Variants in HDAC4 observed in about 807,000 individuals in gnomAD.
HDAC4 encodes the protein histone deacetylase A.
In HDAC4, 16 loss-of-function variants were observed where a neutral mutation model predicts 135.1. The observed-to-expected ratio is 0.12, with a 90% CI of 0.08 to 0.18. HDAC4 has a LOEUF of 0.18. Among genes scored for constraint, HDAC4 ranks in the 10% least tolerant of loss-of-function variants. The pLI is 1.00. For missense variants in HDAC4, 1,143 were observed against 1,511.8 expected (o/e 0.76, Z 4.05); for synonymous variants, 685 against 653.4 (o/e 1.05, Z -0.74).
rs1273136748 is a variant in HDAC4 at position 239,240,107 on chromosome 2, A to G, written c.23-3443T>C. ...GGGCAGCAGCCATGATCGAGAAGCC[A>G]AACACTAAAGGCGTTTTGCCAGAGG... On this transcript the variant is annotated intron_variant, in intron 2 of 26. Transcript: ENST00000543185. This position sits in a 1 kb window ranked among gnomAD's most constrained non-coding sequence, Gnocchi z 4.5. Among the ~76,000 whole-genome samples the G allele has an allele frequency of 6.6e-6, 1 of 152,274 alleles. No individual in the cohort carries two copies. The highest frequency in any genetic ancestry group is 1.5e-5 in the Non-Finnish European group (1 of 68,050).
chr2:239,330,167 C>G (rs541979362), intron 2 of HDAC4, among the ~76,000 whole-genome samples: 1 of 152,364 alleles, frequency 6.6e-6, no homozygotes, highest in East Asian at 1.9e-4. Context: ...AGGCCAGGTA[C>G]AGCTGCCTGG....
chr2:239,341,318 G>A (rs760391108), intron 2 of HDAC4, among the ~76,000 whole-genome samples: 6 of 152,246 alleles, frequency 3.9e-5, no homozygotes, highest in African/African-American at 7.2e-5. Flanking sequence ...GCAAAGACAG[G>A]GCCAGGCAGC....
chr2:239,171,851 A>G (rs1402714241), intron 5 of HDAC4, among the ~76,000 whole-genome samples: 1 of 152,230 alleles, frequency 6.6e-6, no homozygotes, highest in African/African-American at 2.4e-5. Flanking sequence ...TGGCATTCTC[A>G]AAGTGCTGAA....
intron 12 of HDAC4, among the ~76,000 whole-genome samples, chr2:239,123,214 G>A (rs1039235076): frequency 3.3e-5 from 5 of 152,192 alleles, no homozygotes; most frequent in Admixed American, 2.0e-4. Context: ...AACCTAAGTT[G>A]GCATTAGGAA....
chr2:239,149,578 C>T (rs1474831348), intron 7 of HDAC4, among the ~76,000 whole-genome samples: 1 of 152,080 alleles, frequency 6.6e-6, no homozygotes, highest in South Asian at 2.1e-4. Flanking sequence ...CTGATGGAAC[C>T]GCCTCACGTG....
intron 2 of HDAC4, among the ~76,000 whole-genome samples, chr2:239,277,019 C>A (rs2050410355): frequency 6.6e-6 from 1 of 152,208 alleles, no homozygotes; most frequent in African/African-American, 2.4e-5. Context: ...ACTGCCGCGC[C>A]CTCCTGGGCC....
chr2:239,185,410 T>C (rs1575334862), intron 4 of HDAC4, among the ~76,000 whole-genome samples: 1 of 150,108 alleles, frequency 6.7e-6, no homozygotes. Context: ...TGGGGAGAGG[T>C]GTACCCTAAC....
At chr2:239,224,783 A>C (rs992472605) in intron 3 of HDAC4, among the ~76,000 whole-genome samples, 1 of 152,256 alleles carries the variant, frequency 6.6e-6, no homozygotes, top group Non-Finnish European at 1.5e-5. Context: ...AGTTGAACGC[A>C]GAAATCCACC....
At chr2:239,257,174 T>G (rs1290296198) in intron 2 of HDAC4, among the ~76,000 whole-genome samples, 1 of 152,068 alleles carries the variant, frequency 6.6e-6, no homozygotes, top group Non-Finnish European at 1.5e-5. Flanking sequence ...AAGAATTTTG[T>G]TTTTGACCAA....
chr2:239,269,545 T>A (rs1164181215), intron 2 of HDAC4, among the ~76,000 whole-genome samples: 1 of 152,168 alleles, frequency 6.6e-6, no homozygotes. Flanking sequence ...AGAACCCCAG[T>A]TTTCCCCACT....
chr2:239,197,266 A>G (rs2045455577), intron 3 of HDAC4, among the ~76,000 whole-genome samples: 1 of 151,928 alleles, frequency 6.6e-6, no homozygotes, highest in Admixed American at 6.5e-5. Context: ...TGAAGGCGCA[A>G]CTCTGTTGTC....
chr2:239,080,845 C>T lies in HDAC4; in HGVS notation c.2750+250G>A, dbSNP rs144752642. 3.4e-4 allele frequency: 188 copies of T among 560,574 alleles called. 1 individual carries two copies. Among genetic ancestry groups the T allele is most frequent in the African/African-American group, 2.0e-3 (107 of 53,400 alleles). 34.7% of individuals were successfully genotyped at this position (560,574 alleles called of 1,614,324 possible). A position where few individuals can be genotyped will look rare whatever the true frequency, so the allele number is the denominator to read the frequency against. Reference sequence around the variant, plus strand: ...TCTGTCTCCATCACTCTCTCACCATCGACCCAAAGTGAGCTCCTGGTTTTA... The same window carrying T: ...TCTGTCTCCATCACTCTCTCACCATTGACCCAAAGTGAGCTCCTGGTTTTA... On this transcript the variant is annotated intron_variant, in intron 22 of 26. Coordinates refer to ENST00000543185, the MANE Select transcript of HDAC4 (RefSeq NM_001378414.1).
At chr2:239,107,489 T>C (rs1302928711) in intron 15 of HDAC4, among the ~76,000 whole-genome samples, 1 of 152,238 alleles carries the variant, frequency 6.6e-6, no homozygotes, top group Non-Finnish European at 1.5e-5. Flanking sequence ...GGGCCCTGCC[T>C]GCAGCTCCAT....
chr2:239,095,275 ACCC>A (rs2036912913), intron 16 of HDAC4, among the ~76,000 whole-genome samples: 1 of 144,050 alleles, frequency 6.9e-6, no homozygotes, highest in Non-Finnish European at 1.5e-5. Context: ...TGGGTCACAG[ACCC>A]TGGTGGGGAC....
chr2:239,386,207 C>A, intron 1 of HDAC4, among the ~76,000 whole-genome samples: 1 of 151,974 alleles, frequency 6.6e-6, no homozygotes, highest in Non-Finnish European at 1.5e-5. Context: ...ACTGTCAGGT[C>A]CCAGTCCTGA....
rs543380383 is a variant in HDAC4, at chr2:239,052,195, A to G, written c.*902T>C. 6.6e-6 allele frequency: 1 copy of G among 152,416 alleles called. No individual in the cohort carries two copies. Among genetic ancestry groups the G allele is most frequent in the African/African-American group, 2.4e-5 (1 of 41,450 alleles). The allele number at this position is 152,416 out of a possible 1,614,324, so 9.4% of individuals were successfully genotyped here. A position where few individuals can be genotyped will look rare whatever the true frequency, so the allele number is the denominator to read the frequency against. On this transcript the variant is annotated 3_prime_UTR_variant, in exon 27 of 27. Coordinates refer to ENST00000543185, the MANE Select transcript of HDAC4 (RefSeq NM_001378414.1). ...GGAACTACCTCCATTTTTCTTAAAC[A>G]GCAATAAAGCAAAACAGGGACCGCC... is the stretch of plus-strand genomic sequence containing the variant.
At chr2:239,185,361 G>A (rs1054088872) in intron 4 of HDAC4, among the ~76,000 whole-genome samples, 4 of 150,266 alleles carry the variant, frequency 2.7e-5, no homozygotes, top group Non-Finnish European at 4.5e-5. Context: ...CGTGTCTCGT[G>A]GGGAGACATG....
chr2:239,243,815 C>A (rs1404478592), intron 2 of HDAC4, among the ~76,000 whole-genome samples: 2 of 152,194 alleles, frequency 1.3e-5, no homozygotes, highest in Non-Finnish European at 2.9e-5. Flanking sequence ...CCATGCCCTA[C>A]AACTAACACC....
Position 239,141,077 on chromosome 2 carries a change from C to A in HDAC4, c.866-1281G>T. 3.6e-6 allele frequency: 1 copy of A among 278,518 alleles called. No homozygotes were observed. The highest frequency in any genetic ancestry group is 3.0e-5 in the South Asian group (1 of 32,856). 17.3% of individuals were successfully genotyped at this position (278,518 alleles called of 1,614,324 possible). A position where few individuals can be genotyped will look rare whatever the true frequency, so the allele number is the denominator to read the frequency against. On this transcript the variant is annotated intron_variant, in intron 8 of 26. Transcript: ENST00000543185. This position sits in a 1 kb window ranked among gnomAD's most constrained non-coding sequence, Gnocchi z 4.9. ...GAAGGTGCCATTATGACCCCGTTTC[C>A]CAGAAGAGGAGATGGAGGCATGGAG...
Sources: gnomAD v4.1 joint callset for allele counts (sites outside exome capture counted in the v4.1 genomes callset) on GRCh38, gnomAD v4.1.1 for gene constraint, Gnocchi (gnomAD v3.1) non-coding constraint, MANE v1.5 for transcripts, NCBI Gene and HGNC (gene_info 2026-07-23, HGNC 2026-07-21) for gene names.